CREB5: variants seen among roughly 807,000 people sequenced by gnomAD.
The protein encoded by CREB5 is cAMP responsive element binding protein 5.
A neutral mutation model predicts 57.1 loss-of-function variants in CREB5; 19 were observed. That is an observed-to-expected ratio of 0.33 (90% CI 0.23 to 0.49). The LOEUF is 0.49. CREB5 is among the 20% of genes least tolerant of loss of function. The probability of loss-of-function intolerance (pLI) is 0.99; values close to 1 mark genes in which losing one functional copy is unlikely to be tolerated. For missense variants in CREB5, 579 were observed against 671.6 expected (o/e 0.86, Z 1.52); for synonymous variants, 238 against 238.3 (o/e 1.00, Z 0.01).
At chr7:28,565,162 G>A (rs1795429184) in intron 4 of CREB5, among the ~76,000 whole-genome samples, 1 of 152,190 alleles carries the variant, frequency 6.6e-6, no homozygotes, top group South Asian at 2.1e-4. Context: ...AGCCAAAGCA[G>A]GAACCATGTA....
At chr7:28,681,843 G>C (rs1398798139) in intron 5 of CREB5, among the ~76,000 whole-genome samples, 1 of 152,184 alleles carries the variant, frequency 6.6e-6, no homozygotes, top group African/African-American at 2.4e-5. Context: ...TTCCAGGAGT[G>C]TCAACGGTCT....
At chr7:28,499,359 A>G (rs910358445) in intron 3 of CREB5, among the ~76,000 whole-genome samples, 1 of 151,952 alleles carries the variant, frequency 6.6e-6, no homozygotes, top group Non-Finnish European at 1.5e-5. Flanking sequence ...TACTGTGGAG[A>G]GAGGTTGAGA....
intron 4 of CREB5, among the ~76,000 whole-genome samples, chr7:28,547,037 A>G (rs1794449711): frequency 1.3e-5 from 2 of 152,230 alleles, no homozygotes; most frequent in Non-Finnish European, 2.9e-5. Flanking sequence ...GGTAGAATAT[A>G]TTTGTTACTT....
chr7:28,817,009 C>T (rs1809478116), intron 9 of CREB5, among the ~76,000 whole-genome samples: 1 of 151,972 alleles, frequency 6.6e-6, no homozygotes, highest in Non-Finnish European at 1.5e-5. Flanking sequence ...ACAATGGGTG[C>T]CAAGTTCATT....
chr7:28,400,289 T>C (rs939338550), intron 1 of CREB5, among the ~76,000 whole-genome samples: 5 of 152,204 alleles, frequency 3.3e-5, no homozygotes, highest in Non-Finnish European at 5.9e-5. Context: ...GAGCTTCAGT[T>C]CTCTCATTAA....
intron 5 of CREB5, chr7:28,685,992 G>T: frequency 1.4e-6 from 1 of 690,798 alleles, no homozygotes; most frequent in South Asian, 1.9e-5. Context: ...GAGAGCAAGT[G>T]AGCGAGAGCC....
At chr7:28,577,593 A>T (rs912337774) in intron 5 of CREB5, among the ~76,000 whole-genome samples, 4 of 152,226 alleles carry the variant, frequency 2.6e-5, no homozygotes, top group Admixed American at 6.5e-5. Flanking sequence ...AGATTAAGTG[A>T]CTTGCCCCAG....
chr7:28,723,511 C>T (rs1429507836), intron 6 of CREB5, among the ~76,000 whole-genome samples: 1 of 152,116 alleles, frequency 6.6e-6, no homozygotes, highest in Non-Finnish European at 1.5e-5. Context: ...CTTCACCTAC[C>T]CAAAGACTTA....
intron 1 of CREB5, among the ~76,000 whole-genome samples, chr7:28,416,090 A>G (rs1788012877): frequency 6.6e-6 from 1 of 152,202 alleles, no homozygotes; most frequent in Admixed American, 6.5e-5. Context: ...TGTATTTAAG[A>G]TGGGGAATAA....
chr7:28,478,724 G>A (rs1050456557), intron 1 of CREB5, among the ~76,000 whole-genome samples: 6 of 152,170 alleles, frequency 3.9e-5, no homozygotes, highest in Non-Finnish European at 8.8e-5. Flanking sequence ...TTTTGCTACT[G>A]TTGAGTCAAC....
chr7:28,666,041 A>G (rs1156339442), intron 5 of CREB5, among the ~76,000 whole-genome samples: 1 of 152,128 alleles, frequency 6.6e-6, no homozygotes, highest in East Asian at 1.9e-4. Context: ...TTTTCATTTC[A>G]TCTCTCAAAA....
intron 7 of CREB5, among the ~76,000 whole-genome samples, chr7:28,746,465 C>A (rs1480835585): frequency 1.3e-5 from 2 of 152,168 alleles, no homozygotes; most frequent in Non-Finnish European, 2.9e-5. Flanking sequence ...AATGCAGAAT[C>A]CCTGGCCCCA....
chr7:28,310,935 T>C (rs557011066), intron 1 of CREB5, among the ~76,000 whole-genome samples: 2 of 152,304 alleles, frequency 1.3e-5, no homozygotes, highest in South Asian at 2.1e-4. Context: ...TTTGTTTGAA[T>C]TGTGATCTAG....
intron 1 of CREB5, among the ~76,000 whole-genome samples, chr7:28,484,354 A>G (rs1791472107): frequency 6.6e-6 from 1 of 152,252 alleles, no homozygotes; most frequent in Admixed American, 6.5e-5. Flanking sequence ...ACACTAGACC[A>G]GATCATACTC....
intron 1 of CREB5, among the ~76,000 whole-genome samples, chr7:28,436,503 T>G (rs1172192767): frequency 6.6e-6 from 1 of 152,154 alleles, no homozygotes; most frequent in Non-Finnish European, 1.5e-5. Flanking sequence ...CTGAAGAGGA[T>G]GGATTTTTGG....
chr7:28,310,866 A>G (rs371779233), intron 1 of CREB5, among the ~76,000 whole-genome samples: 4 of 152,334 alleles, frequency 2.6e-5, no homozygotes, highest in Admixed American at 6.5e-5. Context: ...TGTATCATCC[A>G]ATATGCAGAT....
chr7:28,483,662 T>G (rs568081014), intron 1 of CREB5, among the ~76,000 whole-genome samples: 2 of 152,344 alleles, frequency 1.3e-5, no homozygotes, highest in African/African-American at 4.8e-5. Context: ...CAAATGTTGC[T>G]TCATGGGGGT....
At chr7:28,621,245 G>T (rs1797779912) in intron 5 of CREB5, among the ~76,000 whole-genome samples, 2 of 152,170 alleles carry the variant, frequency 1.3e-5, no homozygotes. Context: ...ATTCTTGCCA[G>T]GTCAGGTGGT....
intron 5 of CREB5, among the ~76,000 whole-genome samples, chr7:28,681,724 T>C (rs1015933094): frequency 6.6e-6 from 1 of 152,178 alleles, no homozygotes; most frequent in Non-Finnish European, 1.5e-5. Context: ...CACAGAGTAA[T>C]GGCCACCCTT....
Sources: allele counts gnomAD v4.1 joint callset (sites outside exome capture counted in the v4.1 genomes callset), GRCh38; gene constraint gnomAD v4.1.1; transcripts MANE v1.5; gene names NCBI Gene and HGNC (gene_info 2026-07-23, HGNC 2026-07-21).